The following PHF8 variants were observed in gnomAD, a reference collection of about 807,000 sequenced individuals.
PHF8 encodes the protein PHD finger protein 8.
Under a neutral mutation model 74.4 loss-of-function variants are expected in PHF8, and 9 were observed. The observed-to-expected ratio is 0.12, with a 90% CI of 0.07 to 0.21. PHF8 has a LOEUF of 0.21. PHF8 is among the 10% of genes least tolerant of loss of function. PHF8 has a pLI of 1.00. For missense variants in PHF8, 478 were observed against 816.6 expected, an observed-to-expected ratio of 0.59 and a Z score of 5.05; for synonymous variants, 311 against 316.6, an observed-to-expected ratio of 0.98 and a Z score of 0.19.
chrX:53,972,508 TA>T (rs2065310784), intron 18 of PHF8, among the ~76,000 whole-genome samples: 1 of 110,866 alleles, frequency 9.0e-6, no homozygotes, highest in African/African-American at 3.3e-5. Flanking sequence ...TGCAAATCAA[TA>T]AACGTAATTC....
intron 8 of PHF8, among the ~76,000 whole-genome samples, chrX:54,009,549 T>C (rs921598442): frequency 9.2e-6 from 1 of 108,564 alleles, no homozygotes; most frequent in Admixed American, 9.9e-5. Flanking sequence ...GAAAAATCAA[T>C]AAAACCAAAA....
chrX:54,021,454 AT>A (rs1156928686), intron 4 of PHF8, among the ~76,000 whole-genome samples: 667 of 41,988 alleles, frequency 0.016, 1 homozygote, highest in African/African-American at 0.062. Flanking sequence ...AGTTGCAATT[AT>A]TTTTTTTTTT....
intron 2 of PHF8, among the ~76,000 whole-genome samples, chrX:54,029,245 G>A (rs781858420): frequency 9.0e-6 from 1 of 111,360 alleles, no homozygotes; most frequent in East Asian, 2.8e-4. Flanking sequence ...CTACCCAATC[G>A]GCCCTCCACA....
chrX:53,964,237 G>A (rs2065145418), intron 18 of PHF8, among the ~76,000 whole-genome samples: 1 of 109,507 alleles, frequency 9.1e-6, no homozygotes, highest in Non-Finnish European at 1.9e-5. Flanking sequence ...CTGTGAGGGG[G>A]AAGGGGGCTA....
intron 2 of PHF8, among the ~76,000 whole-genome samples, chrX:54,029,220 GC>G (rs2066316119): frequency 9.0e-6 from 1 of 111,399 alleles, no homozygotes; most frequent in Non-Finnish European, 1.9e-5. Context: ...TGGACTCCTG[GC>G]CCCTATTCTG....
chrX:54,036,743 A>G (rs1001406615), intron 2 of PHF8, among the ~76,000 whole-genome samples: 10 of 109,717 alleles, frequency 9.1e-5, no homozygotes, highest in Non-Finnish European at 1.9e-4. Flanking sequence ...TCACGCCTGT[A>G]ATCCCAACAC....
At chrX:53,948,716 A>G (rs1603300715) in intron 19 of PHF8, among the ~76,000 whole-genome samples, 2 of 111,517 alleles carry the variant, frequency 1.8e-5, no homozygotes, top group African/African-American at 6.5e-5. Flanking sequence ...TATCCCTTCT[A>G]CTTTTACATA....
At chrX:53,952,832 G>A (rs1557087341) in intron 19 of PHF8, among the ~76,000 whole-genome samples, 1 of 102,986 alleles carries the variant, frequency 9.7e-6, no homozygotes, top group East Asian at 3.0e-4. Flanking sequence ...GCAGTGAGCC[G>A]AGCCGAGATG....
chrX:53,986,089 C>A lies in PHF8; in HGVS notation c.1996-140G>T, dbSNP rs1344613265. 4 of 591,225 alleles carry A rather than the reference C, an allele frequency of 6.8e-6. No homozygotes were observed. In the African/African-American group the frequency reaches 8.8e-5, roughly 13 times the overall value. 48.7% of individuals were successfully genotyped at this position (591,225 alleles called of 1,213,427 possible). On this transcript the variant is annotated intron_variant, in intron 16 of 21. Coordinates refer to ENST00000338154, the MANE Select transcript of PHF8 (RefSeq NM_015107.3). ...CCAAGTACTAAGCAGAATATTCATT[C>A]TTTTATCTTAATTTCCAAGGCATCT...
intron 4 of PHF8, among the ~76,000 whole-genome samples, 191 bp downstream of exon 4, chrX:54,022,068 T>A (rs1341980654): frequency 2.7e-5 from 3 of 111,491 alleles, no homozygotes; most frequent in Non-Finnish European, 5.7e-5. Flanking sequence ...CTAACTTAGG[T>A]GAATACTGCC....
chrX:54,020,805 G>A (rs1046537095), intron 4 of PHF8, among the ~76,000 whole-genome samples: 2 of 111,647 alleles, frequency 1.8e-5, no homozygotes, highest in Non-Finnish European at 3.8e-5. Context: ...ATCCTGATAA[G>A]CCTGCAGAGC....
intron 14 of PHF8, among the ~76,000 whole-genome samples, 177 bp downstream of exon 14, chrX:53,992,559 A>C (rs983867888): frequency 4.5e-5 from 5 of 110,822 alleles, no homozygotes; most frequent in Non-Finnish European, 7.6e-5. Flanking sequence ...CCCACCTCCA[A>C]CACCACACCA....
intron 8 of PHF8, among the ~76,000 whole-genome samples, chrX:54,004,445 A>AAT (rs2065868037): frequency 9.0e-6 from 1 of 111,690 alleles, no homozygotes; most frequent in African/African-American, 3.3e-5. Context: ...TAGACAATCC[A>AAT]ATATATATAA....
At chrX:54,012,431 T>C (rs893574990) in intron 7 of PHF8, among the ~76,000 whole-genome samples, 1 of 111,831 alleles carries the variant, frequency 8.9e-6, no homozygotes, top group Admixed American at 9.6e-5. Context: ...TGGAAACAAC[T>C]AGGTAAGGAC....
intron 2 of PHF8, among the ~76,000 whole-genome samples, chrX:54,033,404 C>T (rs1389037818): frequency 8.9e-6 from 1 of 112,050 alleles, no homozygotes; most frequent in Non-Finnish European, 1.9e-5. Flanking sequence ...TAAGAACATG[C>T]CTGAAACAAA....
chrX:53,976,805 T>G (rs953667395), intron 18 of PHF8, among the ~76,000 whole-genome samples: 1 of 109,492 alleles, frequency 9.1e-6, no homozygotes, highest in Non-Finnish European at 1.9e-5. Context: ...AAAGACCCCA[T>G]AGACATTTAA....
At chrX:54,018,869 C>T (rs1356560774) in intron 4 of PHF8, among the ~76,000 whole-genome samples, 1 of 111,439 alleles carries the variant, frequency 9.0e-6, no homozygotes, top group Non-Finnish European at 1.9e-5. Context: ...ATCTGCCCGC[C>T]TCAGCCTCCC....
intron 19 of PHF8, 26 bp downstream of exon 19, chrX:53,962,818 G>A: frequency 2.2e-6 from 2 of 918,893 alleles, no homozygotes; most frequent in Non-Finnish European, 1.6e-6. Flanking sequence ...CCCCTACAGA[G>A]TTTAAGGGAC....
At chrX:54,019,882 T>A (rs1557109345) in intron 4 of PHF8, among the ~76,000 whole-genome samples, 2 of 101,446 alleles carry the variant, frequency 2.0e-5, no homozygotes, top group Non-Finnish European at 4.0e-5. Flanking sequence ...AAAAAAAAAA[T>A]TGATAATAAA....
Sources: gnomAD v4.1 joint callset for allele counts (sites outside exome capture counted in the v4.1 genomes callset) on GRCh38, gnomAD v4.1.1 for gene constraint, MANE v1.5 for transcripts, NCBI Gene and HGNC (gene_info 2026-07-23, HGNC 2026-07-21) for gene names.